SEMA5A: variants seen among roughly 807,000 people sequenced by gnomAD.
SEMA5A encodes semaphorin-5A.
SEMA5A carries 55 observed loss-of-function variants against 135.5 expected under a neutral mutation model. The ratio of observed to expected loss-of-function variants is 0.41; its 90% confidence interval spans 0.33 to 0.51. The LOEUF is 0.51. SEMA5A is among the 20% of genes least tolerant of loss of function. The pLI is 0.37. For synonymous variants in SEMA5A, 580 were observed against 546.5 expected (o/e 1.06, Z -0.85); for missense variants, 1,290 against 1,419.9 (o/e 0.91, Z 1.47).
At chr5:9,101,918 T>C (rs1263933979) in intron 16 of SEMA5A, among the ~76,000 whole-genome samples, 1 of 152,168 alleles carries the variant, frequency 6.6e-6, no homozygotes, top group East Asian at 1.9e-4. Flanking sequence ...ACACAAATAA[T>C]TCAGTGTGAG....
intron 1 of SEMA5A, among the ~76,000 whole-genome samples, chr5:9,459,125 A>C (rs1320692748): frequency 6.6e-6 from 1 of 152,238 alleles, no homozygotes; most frequent in Non-Finnish European, 1.5e-5. Context: ...TTTTAAAAAA[A>C]GTCCCATAAT....
chr5:9,315,739 C>T (rs566052130), intron 5 of SEMA5A, among the ~76,000 whole-genome samples: 10 of 152,254 alleles, frequency 6.6e-5, no homozygotes, highest in South Asian at 6.2e-4. Context: ...CATCTTGCTG[C>T]GTCCTCTGTG....
chr5:9,175,470 T>C (rs537460096), intron 11 of SEMA5A, among the ~76,000 whole-genome samples: 156 of 152,252 alleles, frequency 1.0e-3, no homozygotes, highest in African/African-American at 3.6e-3. Flanking sequence ...GCGGTGGCCC[T>C]TACACGTTTA....
chr5:9,343,198 A>G (rs964808046), intron 3 of SEMA5A, among the ~76,000 whole-genome samples: 8 of 152,232 alleles, frequency 5.3e-5, no homozygotes, highest in Admixed American at 5.2e-4. Flanking sequence ...AAAACCATTC[A>G]TCATTTTTTA....
intron 6 of SEMA5A, among the ~76,000 whole-genome samples, chr5:9,228,067 T>C (rs1234785213): frequency 6.6e-6 from 1 of 152,220 alleles, no homozygotes; most frequent in Non-Finnish European, 1.5e-5. Context: ...AAGCATTCAC[T>C]GAGTAGCTCC....
At chr5:9,088,655 TATATACAC>T (rs1311425174) in intron 16 of SEMA5A, among the ~76,000 whole-genome samples, 3 of 99,764 alleles carry the variant, frequency 3.0e-5, no homozygotes, top group South Asian at 3.0e-4. Context: ...TATATATATA[TATATACAC>T]ACACACACTC....
intron 1 of SEMA5A, among the ~76,000 whole-genome samples, chr5:9,525,589 G>A (rs1038329911): frequency 1.3e-5 from 2 of 152,220 alleles, no homozygotes; most frequent in Non-Finnish European, 2.9e-5. Flanking sequence ...GTCTCTCGGA[G>A]CCTTTTCAAC....
intron 16 of SEMA5A, among the ~76,000 whole-genome samples, chr5:9,107,903 T>C (rs1465814744): frequency 6.6e-6 from 1 of 152,184 alleles, no homozygotes; most frequent in Admixed American, 6.5e-5. Context: ...GTCATATTTA[T>C]AGAGCATTTA....
At chr5:9,229,400 A>G (rs1203459924) in intron 6 of SEMA5A, among the ~76,000 whole-genome samples, 2 of 152,162 alleles carry the variant, frequency 1.3e-5, no homozygotes, top group Non-Finnish European at 2.9e-5. Flanking sequence ...TCAAAGAACC[A>G]CACAGTACTT....
rs1018427921 is a variant in SEMA5A at position 9,040,950 on chromosome 5, G to A, written c.*1947C>T. ...AATATCTGATGATGAAAATCCAGCC[G>A]AGGAACAATTGGAGAACCATCCGGC... On this transcript the variant is annotated 3_prime_UTR_variant, in exon 23 of 23. Coordinates refer to ENST00000382496, the MANE Select transcript of SEMA5A (RefSeq NM_003966.3). 1.3e-5 allele frequency: 2 copies of A among 152,166 alleles called. No homozygotes were observed. Among genetic ancestry groups the A allele is most frequent in the Non-Finnish European group, 2.9e-5 (2 of 68,042 alleles). The allele number at this position is 152,166 out of a possible 1,614,324, so 9.4% of individuals were successfully genotyped here. A position where few individuals can be genotyped will look rare whatever the true frequency, so the allele number is the denominator to read the frequency against.
intron 1 of SEMA5A, among the ~76,000 whole-genome samples, chr5:9,544,203 TA>T (rs1258439029): frequency 1.3e-5 from 2 of 152,160 alleles, no homozygotes; most frequent in Admixed American, 1.3e-4. Flanking sequence ...AAGCTAGACG[TA>T]AAACTTGTCT....
chr5:9,437,019 C>G (rs1758056264), intron 2 of SEMA5A, among the ~76,000 whole-genome samples: 1 of 152,254 alleles, frequency 6.6e-6, no homozygotes, highest in South Asian at 2.1e-4. Context: ...GAGGCCTGAC[C>G]AGGAGGATCC....
intron 1 of SEMA5A, among the ~76,000 whole-genome samples, chr5:9,530,881 T>C (rs1737397729): frequency 6.6e-6 from 1 of 152,134 alleles, no homozygotes; most frequent in South Asian, 2.1e-4. Flanking sequence ...GAGGCGAGAA[T>C]GTGCCGCCAG....
At chr5:9,223,496 A>T (rs1747117632) in intron 8 of SEMA5A, among the ~76,000 whole-genome samples, 1 of 152,204 alleles carries the variant, frequency 6.6e-6, no homozygotes, top group African/African-American at 2.4e-5. Flanking sequence ...CTACTGGCAT[A>T]TAATGACTAT....
intron 1 of SEMA5A, among the ~76,000 whole-genome samples, chr5:9,488,553 A>G (rs897162094): frequency 3.3e-5 from 5 of 152,160 alleles, no homozygotes; most frequent in Non-Finnish European, 7.4e-5. Context: ...TCAATGACTA[A>G]TCTCAACTCT....
intron 5 of SEMA5A, among the ~76,000 whole-genome samples, chr5:9,299,341 A>T (rs1751495324): frequency 3.3e-5 from 5 of 152,184 alleles, no homozygotes; most frequent in Admixed American, 3.3e-4. Flanking sequence ...GAGTATAGAC[A>T]GAAGATGTTC....
chr5:9,102,576 A>G (rs1025561692), intron 16 of SEMA5A, among the ~76,000 whole-genome samples: 4 of 152,332 alleles, frequency 2.6e-5, no homozygotes, highest in African/African-American at 4.8e-5. Flanking sequence ...CCTGAAAAAT[A>G]TAGTATTTAT....
At position 9,384,669 on chromosome 5, in the gene SEMA5A, G is replaced by GAT. The variant is rs767631106; in HGVS notation, c.-77-4648_-77-4647dup. 1.3e-3 allele frequency among the ~76,000 whole-genome samples: 138 copies of GAT among 106,496 alleles called. 4 individuals are homozygous for GAT. Among genetic ancestry groups the GAT allele is most frequent in the Middle Eastern group, 4.5e-3 (1 of 222 alleles). 69.9% of individuals were successfully genotyped at this position (106,496 alleles called of 152,430 possible). On this transcript the variant is annotated intron_variant, in intron 2 of 22. Coordinates refer to ENST00000382496, the MANE Select transcript of SEMA5A (RefSeq NM_003966.3). Reference sequence around the variant, plus strand: ...ATAGATAGATAGATAGATATAGATAGATAGATATAGATAGATAGATAGATA... The same window carrying GAT: ...ATAGATAGATAGATAGATATAGATAGATATAGATATAGATAGATAGATAGATA...
chr5:9,357,895 C>T (rs1165489195), intron 3 of SEMA5A, among the ~76,000 whole-genome samples: 1 of 152,232 alleles, frequency 6.6e-6, no homozygotes, highest in Non-Finnish European at 1.5e-5. Flanking sequence ...TTCTCTCTCA[C>T]TTTAAACTAC....
Sources: gnomAD v4.1 joint callset for allele counts (sites outside exome capture counted in the v4.1 genomes callset) on GRCh38, gnomAD v4.1.1 for gene constraint, MANE v1.5 for transcripts, NCBI Gene and HGNC (gene_info 2026-07-23, HGNC 2026-07-21) for gene names.